Variants in PSMG2 observed in about 807,000 individuals in gnomAD.
The protein encoded by PSMG2 is proteasome assembly chaperone 2.
A neutral mutation model predicts 31.5 loss-of-function variants in PSMG2; 21 were observed. The observed-to-expected ratio is 0.67, with a 90% CI of 0.47 to 0.96. The LOEUF (loss-of-function observed/expected upper bound fraction) is 0.96. Ranked by LOEUF, PSMG2 falls within the 40% of genes least tolerant of loss-of-function variation. PSMG2 has a pLI of 0.00. For missense variants in PSMG2, 318 were observed against 321.2 expected (o/e 0.99, Z 0.08); for synonymous variants, 120 against 110.4 (o/e 1.09, Z -0.54).
rs552554491 is a variant in PSMG2, at chr18:12,663,191, T to A, written c.-37+4418T>A. 3.3e-5 allele frequency among the ~76,000 whole-genome samples: 5 copies of A among 152,336 alleles called. No homozygotes were observed. The South Asian group carries it at 1.0e-3, about 32-fold the overall frequency. ...TCCAAATACTCTTTTATAGTCATAT[T>A]ACATAATTCTGATCAGATTTCAAAC... On this transcript the variant is annotated intron_variant, in intron 1 of 6. Transcript: ENST00000585331.
chr18:12,724,793 C>A (rs888508735), intron 6 of PSMG2, 174 bp downstream of exon 6: 16 of 633,198 alleles, frequency 2.5e-5, no homozygotes, highest in African/African-American at 2.3e-4. Flanking sequence ...AGTTAACCAA[C>A]CTATTATTTA....
At chr18:12,725,239 A>G (rs2040465455) in intron 6 of PSMG2, among the ~76,000 whole-genome samples, 200 bp from the exon 7 acceptor site, 2 of 152,134 alleles carry the variant, frequency 1.3e-5, no homozygotes, top group Admixed American at 1.3e-4. Flanking sequence ...CCTTTCTGGC[A>G]TATCTTTATA....
At chr18:12,702,277 T>C, upstream of PSMG2, 1 of 543,898 alleles carries the variant, frequency 1.8e-6, no homozygotes, top group South Asian at 2.4e-5. Flanking sequence ...CCCAGACTCT[T>C]GCTAGCACCT....
intron 1 of PSMG2, chr18:12,685,134 A>AAG (rs1400359807): frequency 6.6e-6 from 1 of 151,526 alleles, no homozygotes. Context: ...CTCAGTAGCT[A>AAG]AGATTACAGG....
intron 1 of PSMG2, among the ~76,000 whole-genome samples, chr18:12,659,835 G>A (rs1231699814): frequency 2.0e-5 from 3 of 152,004 alleles, no homozygotes; most frequent in African/African-American, 7.2e-5. Context: ...AAAGCCCAGA[G>A]AGGCAAACAT....
At chr18:12,676,435 C>G (rs941410974) in intron 1 of PSMG2, among the ~76,000 whole-genome samples, 2 of 150,926 alleles carry the variant, frequency 1.3e-5, no homozygotes, top group East Asian at 3.9e-4. Flanking sequence ...CCACCACACC[C>G]GGCTAATTTT....
intron 1 of PSMG2, chr18:12,697,163 T>C (rs1317887008): frequency 1.0e-5 from 12 of 1,200,282 alleles, no homozygotes; most frequent in Non-Finnish European, 1.4e-5. Context: ...AGATATAAAA[T>C]ATATTTACAA....
chr18:12,672,675 A>G (rs1837646622), intron 1 of PSMG2: 52 of 979,050 alleles, frequency 5.3e-5, no homozygotes, highest in Non-Finnish European at 6.1e-5. Flanking sequence ...ACAAAGAGGT[A>G]TAATAAAGTT....
At chr18:12,688,807 C>T (rs2039638265) in intron 1 of PSMG2, among the ~76,000 whole-genome samples, 1 of 152,098 alleles carries the variant, frequency 6.6e-6, no homozygotes, top group African/African-American at 2.4e-5. Flanking sequence ...AGATACAGAA[C>T]ATTTCCATCA....
chr18:12,671,284 G>A (rs557267972), intron 1 of PSMG2: 4 of 152,000 alleles, frequency 2.6e-5, no homozygotes, highest in African/African-American at 7.2e-5. Flanking sequence ...TTTAATTTTC[G>A]AAAAACGAAA....
chr18:12,698,164 A>T (rs1260928061), upstream of PSMG2, among the ~76,000 whole-genome samples: 1 of 137,412 alleles, frequency 7.3e-6, no homozygotes, highest in Non-Finnish European at 1.5e-5. Flanking sequence ...TATTTTATTT[A>T]TATTTATTTG....
chr18:12,711,622 G>T (rs192569067), intron 2 of PSMG2, among the ~76,000 whole-genome samples: 54 of 152,212 alleles, frequency 3.5e-4, no homozygotes, highest in Admixed American at 3.3e-3. Flanking sequence ...TAACAGTAGA[G>T]ACCTGATCCA....
In PSMG2 at chr18:12,724,592, T is replaced by C; in HGVS notation, c.675T>C (p.Asn225=). Residue 225 remains asparagine (N), a synonymous_variant, in exon 6 of 7, where the codon AAT becomes AAC. Transcript: ENST00000317615. ...CATTAGGTCTTGTTGAGTATCTTAATGAGTGGCTTCAGATACTCAAACCAC... is the reference window on the plus strand; with the variant it reads ...CATTAGGTCTTGTTGAGTATCTTAACGAGTGGCTTCAGATACTCAAACCAC... The part of the protein sequence containing the change: ...PDALGLVEYL[N]EWLQILKPLS... 6.2e-7 allele frequency: 1 copy of C among 1,608,716 alleles called. No individual in the cohort carries two copies. The highest frequency in any genetic ancestry group is 8.5e-7 in the Non-Finnish European group (1 of 1,178,164).
At chr18:12,703,767 A>C (rs2040228664) in intron 1 of PSMG2, among the ~76,000 whole-genome samples, 1 of 152,178 alleles carries the variant, frequency 6.6e-6, no homozygotes, top group Non-Finnish European at 1.5e-5. Context: ...GATAATTGGG[A>C]GGGGAGGGAC....
intron 5 of PSMG2, among the ~76,000 whole-genome samples, chr18:12,721,296 C>G (rs892181938): frequency 6.6e-6 from 1 of 152,264 alleles, no homozygotes; most frequent in African/African-American, 2.4e-5. Flanking sequence ...ATATTTAATG[C>G]TTTTATTTTG....
chr18:12,705,455 T>C (rs2040255326), intron 1 of PSMG2, among the ~76,000 whole-genome samples: 2 of 152,034 alleles, frequency 1.3e-5, no homozygotes, highest in South Asian at 4.1e-4. Flanking sequence ...GACCTAACCA[T>C]GTGGAGACGT....
chr18:12,705,558 AGAGAGAGAGAGAGAGAGAGT>A (rs1452378227), intron 1 of PSMG2, among the ~76,000 whole-genome samples: 2 of 134,716 alleles, frequency 1.5e-5, no homozygotes, highest in African/African-American at 6.0e-5. Context: ...AGAGAGAGAG[AGAGAGAGAGAGAGAGAGAGT>A]GTGTGTGTGT....
chr18:12,707,109 C>T (rs2040276661), intron 2 of PSMG2, among the ~76,000 whole-genome samples: 1 of 152,156 alleles, frequency 6.6e-6, no homozygotes, highest in African/African-American at 2.4e-5. Flanking sequence ...GTGCCTGCCA[C>T]CGCACCTGGC....
upstream of PSMG2, chr18:12,702,786 C>T: frequency 1.7e-6 from 1 of 574,430 alleles, no homozygotes; most frequent in Non-Finnish European, 3.0e-6. Flanking sequence ...GGGCTTGGGG[C>T]TGGCCCGCAC....
Sources: allele counts gnomAD v4.1 joint callset (sites outside exome capture counted in the v4.1 genomes callset), GRCh38; gene constraint gnomAD v4.1.1; transcripts MANE v1.5; gene names NCBI Gene and HGNC (gene_info 2026-07-23, HGNC 2026-07-21).